The following ZZZ3 variants were observed in gnomAD, a reference collection of about 807,000 sequenced individuals.
ZZZ3 encodes the protein ZZ-type zinc finger-containing protein 3.
In ZZZ3, 22 loss-of-function variants were observed where a neutral mutation model predicts 95.2. The observed-to-expected ratio is 0.23, with a 90% CI of 0.17 to 0.33. ZZZ3 has a LOEUF of 0.33. Among genes scored for constraint, ZZZ3 ranks in the 10% least tolerant of loss-of-function variants. The pLI, the probability that ZZZ3 is intolerant of heterozygous loss-of-function variation, is 1.00. For synonymous variants in ZZZ3, 335 were observed against 358.9 expected (o/e 0.93, Z 0.75); for missense variants, 885 against 1,066.5 (o/e 0.83, Z 2.37).
chr1:77,640,278 A>G (rs1364498207), intron 3 of ZZZ3, among the ~76,000 whole-genome samples: 3 of 152,140 alleles, frequency 2.0e-5, no homozygotes, highest in Admixed American at 2.0e-4. Context: ...AATTTTTACT[A>G]TATAATAATT....
chr1:77,571,918 T>C (rs1284385928), intron 12 of ZZZ3, among the ~76,000 whole-genome samples: 2 of 152,204 alleles, frequency 1.3e-5, no homozygotes, highest in Non-Finnish European at 2.9e-5. Context: ...GATGGTAAAT[T>C]TCATGTTATG....
At chr1:77,592,861 G>A (rs1663850603) in intron 5 of ZZZ3, among the ~76,000 whole-genome samples, 1 of 152,174 alleles carries the variant, frequency 6.6e-6, no homozygotes, top group Admixed American at 6.5e-5. Context: ...TACAGCTGGA[G>A]AAAATATTTG....
At chr1:77,589,719 G>C (rs373998174) in intron 5 of ZZZ3, among the ~76,000 whole-genome samples, 4 of 151,608 alleles carry the variant, frequency 2.6e-5, no homozygotes, top group African/African-American at 9.7e-5. Flanking sequence ...CACAGCCTCC[G>C]AAAGTGCTAG....
At chr1:77,674,829 G>A (rs1342070613) in intron 1 of ZZZ3, among the ~76,000 whole-genome samples, 1 of 151,644 alleles carries the variant, frequency 6.6e-6, no homozygotes, top group African/African-American at 2.4e-5. Flanking sequence ...GCGTGTGCCT[G>A]TAGTCCCAGC....
At chr1:77,602,544 A>G (rs1224911449) in intron 5 of ZZZ3, among the ~76,000 whole-genome samples, 2 of 152,170 alleles carry the variant, frequency 1.3e-5, no homozygotes. Context: ...AATTATCATT[A>G]AGAACACTAA....
At chr1:77,571,207 T>C (rs771323144) in intron 12 of ZZZ3, among the ~76,000 whole-genome samples, 4 of 152,188 alleles carry the variant, frequency 2.6e-5, no homozygotes, top group Non-Finnish European at 4.4e-5. Flanking sequence ...ATGCTAAGGA[T>C]ATTATTAAAT....
chr1:77,637,874 T>C (rs1006543501), intron 4 of ZZZ3, among the ~76,000 whole-genome samples: 2 of 152,202 alleles, frequency 1.3e-5, no homozygotes, highest in Admixed American at 1.3e-4. Flanking sequence ...ATTTACAAAT[T>C]ATCTCAGGAA....
intron 9 of ZZZ3, chr1:77,580,470 C>A (rs183751049): frequency 6.6e-6 from 1 of 152,302 alleles, no homozygotes; most frequent in East Asian, 1.9e-4. Context: ...CTCTCAAAAC[C>A]CAGGTTCCTT....
Position 77,632,223 on chromosome 1 carries a change from G to A in ZZZ3, c.1132C>T (p.Leu378=). 6.2e-7 allele frequency: 1 copy of A among 1,613,998 alleles called. No homozygotes were observed. Among genetic ancestry groups the A allele is most frequent in the Non-Finnish European group, 8.5e-7 (1 of 1,180,002 alleles). ...LSEPQEHRYT[L]RTSPRRAAPT... ...GCTGCCCTTCGTGGTGAGGTTCTCA[G>A]AGTATAACGATGTTCTTGAGGTTCT... The change falls in exon 5 of 15, where the codon CTG becomes TTG. Residue 378 remains leucine, a synonymous_variant. Transcript: ENST00000370801.
At chr1:77,627,097 CA>C (rs1455682055) in intron 5 of ZZZ3, among the ~76,000 whole-genome samples, 4 of 152,104 alleles carry the variant, frequency 2.6e-5, no homozygotes, top group Non-Finnish European at 5.9e-5. Flanking sequence ...CATAGAAACC[CA>C]AAAGCCCATG....
intron 4 of ZZZ3, among the ~76,000 whole-genome samples, chr1:77,634,897 TA>T: frequency 6.6e-6 from 1 of 152,318 alleles, no homozygotes; most frequent in Non-Finnish European, 1.5e-5. Flanking sequence ...TTTTATTTCC[TA>T]ACTTTGAATG....
intron 1 of ZZZ3, among the ~76,000 whole-genome samples, chr1:77,647,665 T>C (rs996132280): frequency 6.6e-6 from 1 of 152,236 alleles, no homozygotes; most frequent in Admixed American, 6.5e-5. Context: ...ATTATGCTTA[T>C]ATAATTTAAT....
chr1:77,583,542 A>G (rs1359714376), intron 6 of ZZZ3, among the ~76,000 whole-genome samples: 2 of 152,192 alleles, frequency 1.3e-5, no homozygotes, highest in Admixed American at 6.5e-5. Flanking sequence ...AAAAGCATGA[A>G]GAGAAAGAAA....
chr1:77,633,243 C>A lies in ZZZ3; in HGVS notation c.112G>T (p.Glu38Ter). 1 of 1,614,024 alleles carries A rather than the reference C, an allele frequency of 6.2e-7. No individual in the cohort carries two copies. The highest frequency in any genetic ancestry group is 8.5e-7 in the Non-Finnish European group (1 of 1,179,964). ...CGTACTTGAGAATTAGAAGAGATTT[C>A]TTCAGGATGCGCAATGCTACGATTC... ...LRNRSIAHPE[E>*]ISSNSQVRSR... Residue 38 changes from glutamate (E) to a stop codon, truncating the protein, a stop_gained, in exon 5 of 15, where the codon GAA becomes TAA. Transcript: ENST00000370801. LOFTEE classifies it high-confidence loss of function.
At chr1:77,662,206 G>T (rs945290831) in intron 1 of ZZZ3, among the ~76,000 whole-genome samples, 1 of 151,892 alleles carries the variant, frequency 6.6e-6, no homozygotes, top group Admixed American at 6.6e-5. Flanking sequence ...TAGAGACGGG[G>T]TCTCACCATA....
chr1:77,582,498 AAAAC>A (rs1180202553), intron 6 of ZZZ3, among the ~76,000 whole-genome samples: 2 of 152,076 alleles, frequency 1.3e-5, no homozygotes, highest in African/African-American at 4.8e-5. Context: ...TATGTCCACT[AAAAC>A]AAACAAGTTA....
At chr1:77,671,568 G>A (rs889885438) in intron 1 of ZZZ3, among the ~76,000 whole-genome samples, 8 of 152,086 alleles carry the variant, frequency 5.3e-5, no homozygotes, top group Non-Finnish European at 8.8e-5. Context: ...GTGTGACACC[G>A]AGCAAGATAT....
At chr1:77,568,495 T>C in intron 12 of ZZZ3, 29 bp from the exon 13 acceptor site, 1 of 1,041,446 alleles carries the variant, frequency 9.6e-7, no homozygotes. Context: ...AAAAAAAATG[T>C]TGGTTTGGTA....
chr1:77,574,157 T>C (rs1661693188), intron 12 of ZZZ3, among the ~76,000 whole-genome samples: 1 of 147,994 alleles, frequency 6.8e-6, no homozygotes, highest in African/African-American at 2.5e-5. Flanking sequence ...TATATAGATT[T>C]ATATATAGAT....
Sources: gnomAD v4.1 joint callset for allele counts (sites outside exome capture counted in the v4.1 genomes callset) on GRCh38, gnomAD v4.1.1 for gene constraint, MANE v1.5 for transcripts, NCBI Gene and HGNC (gene_info 2026-07-23, HGNC 2026-07-21) for gene names.